The following COPS2 variants were observed in gnomAD, a reference collection of about 807,000 sequenced individuals.
The protein encoded by COPS2 is COP9 signalosome subunit 2.
Under a neutral mutation model 66.1 loss-of-function variants are expected in COPS2, and 10 were observed. The ratio of observed to expected loss-of-function variants is 0.15; its 90% CI spans 0.09 to 0.26. COPS2 has a LOEUF of 0.26. Among genes scored for constraint, COPS2 ranks in the 10% least tolerant of loss-of-function variants. COPS2 has a pLI of 1.00. For missense variants in COPS2, 215 were observed against 513.3 expected, an observed-to-expected ratio of 0.42 and a Z score of 5.62; for synonymous variants, 179 against 171.3, an observed-to-expected ratio of 1.04 and a Z score of -0.35.
In COPS2 at chr15:49,130,707, G is replaced by T. The variant is rs1415513692; in HGVS notation, c.1045+12C>A. The stretch of plus-strand genomic sequence containing the variant: ...AGAAAGTAATAGAATCCAGTTGGCA[G>T]AAAGAACATACCTTCAATGTGTTCT... On this transcript the variant is annotated intron_variant, in intron 10 of 12. Coordinates refer to ENST00000388901, the MANE Select transcript of COPS2 (RefSeq NM_004236.4). 5 of 1,500,858 alleles carry T rather than the reference G, an allele frequency of 3.3e-6. No individual in the cohort carries two copies. The South Asian group carries it at 3.5e-5, about 11-fold the overall frequency. 93.0% of individuals were successfully genotyped at this position (1,500,858 alleles called of 1,614,324 possible).
rs149822537 is a variant in COPS2, at chr15:49,138,232, T to A, written c.373-795A>T. Among the ~76,000 whole-genome samples, 25 of 152,288 alleles carry A rather than the reference T, an allele frequency of 1.6e-4. No individual in the cohort carries two copies. The East Asian group carries it at 3.9e-3, about 24-fold the overall frequency. On this transcript the variant is annotated intron_variant, in intron 4 of 12. Transcript: ENST00000388901. ...CCCTGCCCACCCTCTTCCCCCCGCT[T>A]CTGGCTTTGCCTTTGTTTGAATATC...
rs1048813773 is a variant in COPS2, at chr15:49,127,399, T to C, written c.*551A>G. The stretch of plus-strand genomic sequence containing the variant: ...GCTGCTTGAAACCTAAGTGACAGTA[T>C]GCCACTATAATTATGGGGTTTCGTC... On this transcript the variant is annotated 3_prime_UTR_variant, in exon 13 of 13. Coordinates refer to ENST00000388901, the MANE Select transcript of COPS2 (RefSeq NM_004236.4). 6.6e-6 allele frequency: 1 copy of C among 152,658 alleles called. No homozygotes were observed. Among genetic ancestry groups the C allele is most frequent in the Non-Finnish European group, 1.5e-5 (1 of 68,048 alleles). 9.5% of individuals were successfully genotyped at this position (152,658 alleles called of 1,614,324 possible). A position where few individuals can be genotyped will look rare whatever the true frequency, so the allele number is the denominator to read the frequency against.
chr15:49,139,711 C>T (rs2084277757), intron 3 of COPS2, 58 bp from the exon 4 acceptor site: 2 of 1,309,252 alleles, frequency 1.5e-6, no homozygotes, highest in African/African-American at 1.5e-5. Flanking sequence ...AATATGTACA[C>T]ATGATTAAGG....
chr15:49,134,033 T>C lies in COPS2; in HGVS notation c.791A>G (p.Asn264Ser). The C allele has an allele frequency of 6.2e-7, 1 of 1,613,846 alleles. No homozygotes were observed. Residue 264 changes from asparagine to serine, a missense_variant, in exon 8 of 13, where the codon AAT becomes AGT. Transcript: ENST00000388901. ...TCTTGGACTTCCAGATTCATCATAA[T>C]TCTTGAAGGCTTCAAAAAAATCAGT... The part of the protein sequence containing the change: ...AHTDFFEAFK[N>S]YDESGSPRRT...
chr15:49,129,662 G>T (rs1375581732), intron 10 of COPS2, 103 bp from the exon 11 acceptor site: 2 of 507,468 alleles, frequency 3.9e-6, no homozygotes. Context: ...ACATCTTCCT[G>T]CTTGGCAATG....
At chr15:49,144,519 A>G (rs2084308752) in intron 2 of COPS2, among the ~76,000 whole-genome samples, 1 of 151,610 alleles carries the variant, frequency 6.6e-6, no homozygotes, top group South Asian at 2.1e-4. Flanking sequence ...TTCCTTCATC[A>G]GCAAAATAAA....
At position 49,139,567 on chromosome 15, in the gene COPS2, G is replaced by A. The variant is rs2084276681; in HGVS notation, c.333C>T (p.Ser111=). ...SAVTRNYSEK[S]INSILDYIST... Reference sequence around the variant, plus strand: ...AGATATAATCAAGAATAGAATTAATGGATTTTTCAGAATAATTTCTTGTGA... The same window carrying A: ...AGATATAATCAAGAATAGAATTAATAGATTTTTCAGAATAATTTCTTGTGA... The change falls in exon 4 of 13, where the codon TCC becomes TCT. Residue 111 remains serine, a synonymous_variant. Coordinates refer to ENST00000388901, the MANE Select transcript of COPS2 (RefSeq NM_004236.4). 1 of 1,594,168 alleles carries A rather than the reference G, an allele frequency of 6.3e-7. No homozygotes were observed. The highest frequency in any genetic ancestry group is 1.7e-5 in the Admixed American group (1 of 59,522).
At chr15:49,154,802 T>A (rs2084400974) in intron 1 of COPS2, among the ~76,000 whole-genome samples, 1 of 152,220 alleles carries the variant, frequency 6.6e-6, no homozygotes, top group African/African-American at 2.4e-5. Flanking sequence ...TGTTTTAAAC[T>A]TTGTATACTG....
intron 1 of COPS2, among the ~76,000 whole-genome samples, chr15:49,145,596 G>T (rs188970306): frequency 7.0e-4 from 107 of 152,168 alleles, no homozygotes; most frequent in Non-Finnish European, 4.1e-4. Context: ...ATGTTAATAA[G>T]AATACTTTCC....
chr15:49,146,860 A>G (rs895723982), intron 1 of COPS2, among the ~76,000 whole-genome samples: 3 of 152,138 alleles, frequency 2.0e-5, no homozygotes, highest in African/African-American at 7.2e-5. Context: ...AAAATCAGCA[A>G]AACTTGACTC....
At chr15:49,136,060 C>T (rs1595821350) in intron 6 of COPS2, among the ~76,000 whole-genome samples, 1 of 152,138 alleles carries the variant, frequency 6.6e-6, no homozygotes, top group Non-Finnish European at 1.5e-5. Context: ...TCCTAAGTGA[C>T]TAATCTGCTT....
At chr15:49,133,117 T>C (rs1246920665) in intron 9 of COPS2, among the ~76,000 whole-genome samples, 1 of 151,502 alleles carries the variant, frequency 6.6e-6, no homozygotes, top group Non-Finnish European at 1.5e-5. Flanking sequence ...GCCTCCCGAG[T>C]AGCTGAGACT....
chr15:49,154,996 C>A (rs998942781), intron 1 of COPS2, among the ~76,000 whole-genome samples: 1 of 152,242 alleles, frequency 6.6e-6, no homozygotes, highest in Non-Finnish European at 1.5e-5. Flanking sequence ...CCAAAACTGG[C>A]CCTGGCAAGA....
chr15:49,144,078 T>C (rs1256329469), intron 3 of COPS2, 149 bp downstream of exon 3: 2 of 628,034 alleles, frequency 3.2e-6, no homozygotes, highest in Non-Finnish European at 5.6e-6. Flanking sequence ...TTTTACTTAG[T>C]ATTACTATAG....
chr15:49,131,511 T>C (rs572040152), intron 9 of COPS2, among the ~76,000 whole-genome samples: 3 of 151,926 alleles, frequency 2.0e-5, no homozygotes, highest in East Asian at 1.9e-4. Flanking sequence ...TATGGCACCA[T>C]TGTCTGCTTT....
At chr15:49,147,294 T>C (rs565669408) in intron 1 of COPS2, among the ~76,000 whole-genome samples, 17 of 152,324 alleles carry the variant, frequency 1.1e-4, no homozygotes, top group South Asian at 4.1e-4. Context: ...ACCTTCAGAA[T>C]GCAGCCTTGA....
intron 2 of COPS2, 28 bp from the exon 3 acceptor site, chr15:49,144,332 A>T: frequency 7.6e-7 from 1 of 1,318,624 alleles, no homozygotes; most frequent in Non-Finnish European, 1.1e-6. Context: ...TTTTTAGTTT[A>T]TCTTAATATT....
chr15:49,134,056 A>T lies in COPS2; in HGVS notation c.768T>A (p.Thr256=). The T allele has an allele frequency of 6.2e-7, 1 of 1,613,654 alleles. No individual in the cohort carries two copies. The highest frequency in any genetic ancestry group is 1.1e-5 in the South Asian group (1 of 90,928). ...LREGEFEKAH[T]DFFEAFKNYD... Reference sequence around the variant, plus strand: ...AATTCTTGAAGGCTTCAAAAAAATCAGTGTGTGCCTTTTCAAATTCACCTT... The same window carrying T: ...AATTCTTGAAGGCTTCAAAAAAATCTGTGTGTGCCTTTTCAAATTCACCTT... The change falls in exon 8 of 13, where the codon ACT becomes ACA. Residue 256 remains threonine (T), a synonymous_variant. Transcript: ENST00000388901.
chr15:49,148,804 G>A (rs1312319203), intron 1 of COPS2, among the ~76,000 whole-genome samples: 1 of 152,126 alleles, frequency 6.6e-6, no homozygotes, highest in East Asian at 1.9e-4. Flanking sequence ...GTTAAACAAT[G>A]TTAAGGATGT....
Sources: allele counts gnomAD v4.1 joint callset (sites outside exome capture counted in the v4.1 genomes callset), GRCh38; gene constraint gnomAD v4.1.1; transcripts MANE v1.5; gene names NCBI Gene and HGNC (gene_info 2026-07-23, HGNC 2026-07-21).